The following SP3 variants were observed in gnomAD, a reference collection of about 807,000 sequenced individuals.
SP3 encodes the protein transcription factor Sp3.
In SP3, 10 loss-of-function variants were observed where a neutral mutation model predicts 70.3. The ratio of observed to expected loss-of-function variants is 0.14; its 90% CI spans 0.09 to 0.24. The LOEUF is 0.24. Among genes scored for constraint, SP3 ranks in the 10% least tolerant of loss-of-function variants. The pLI is 1.00. For synonymous variants in SP3, 402 were observed against 333.5 expected (o/e 1.21, Z -2.24); for missense variants, 825 against 914.6 (o/e 0.90, Z 1.26).
In SP3 at chr2:173,913,031, A is replaced by G. The variant is rs758349491; in HGVS notation, c.2029+39T>C. 50 of 1,457,214 alleles carry G rather than the reference A, an allele frequency of 3.4e-5. 2 individuals are homozygous for G. The South Asian group carries it at 6.3e-4, about 18-fold the overall frequency. The allele number at this position is 1,457,214 out of a possible 1,614,324, so 90.3% of individuals were successfully genotyped here. On this transcript the variant is annotated intron_variant, in intron 6 of 6. Transcript: ENST00000310015. ...GAAGTCAAGGCAGTTATGTAGCCCT[A>G]TAATTCATTTTTGTCTGTTAAAAGT...
intron 4 of SP3, among the ~76,000 whole-genome samples, chr2:173,952,530 T>C (rs73030141): frequency 0.033 from 5,010 of 152,226 alleles, 142 homozygotes; most frequent in Admixed American, 0.1. Context: ...TTAAACCCAA[T>C]TGCCATATAA....
chr2:173,919,479 C>CT (rs907133690), intron 4 of SP3, among the ~76,000 whole-genome samples: 30 of 151,974 alleles, frequency 2.0e-4, no homozygotes, highest in African/African-American at 3.6e-4. Context: ...CAGGAAAACA[C>CT]TTTTTTTTAC....
intron 4 of SP3, among the ~76,000 whole-genome samples, chr2:173,949,088 C>T (rs986853593): frequency 6.6e-6 from 1 of 152,100 alleles, no homozygotes; most frequent in Non-Finnish European, 1.5e-5. Context: ...AAAATCAGCA[C>T]AGATCATAGT....
At chr2:173,910,289 T>C in intron 6 of SP3, 32 bp from the exon 7 acceptor site, 6 of 1,598,212 alleles carry the variant, frequency 3.8e-6, no homozygotes, top group Non-Finnish European at 5.1e-6. Flanking sequence ...TACTTGGTTT[T>C]AAAAATTCAA....
rs1168474950 is a variant in SP3 at position 173,964,417 on chromosome 2, TGCCGCC to T, written c.138_143del (p.Ala50_Ala51del). ...AGCCGCTCCTCACCTGGGCCGCCGC[TGCCGCC>T]GCCACCGCACCGTTTCCGTGCTGTT... On this transcript the variant is annotated inframe_deletion, in exon 2 of 7. Transcript: ENST00000310015. The T allele has an allele frequency of 1.4e-6, 1 of 721,066 alleles. No homozygotes were observed. Among genetic ancestry groups the T allele is most frequent in the Non-Finnish European group, 2.5e-6 (1 of 394,508 alleles). The allele number at this position is 721,066 out of a possible 1,614,324, so 44.7% of individuals were successfully genotyped here. A position where few individuals can be genotyped will look rare whatever the true frequency, so the allele number is the denominator to read the frequency against.
In SP3 at chr2:173,910,076, A is replaced by G; in HGVS notation, c.2211T>C (p.Leu737=). The stretch of plus-strand genomic sequence containing the variant: ...AAACAGAACCTTGTTGAATATTTGC[A>G]AGGATAAGCGTTGTTCCTCCTGCAG... ...LITAGGTTLI[L]ANIQQGSVSG... Residue 737 remains leucine, a synonymous_variant, in exon 7 of 7, where the codon CTT becomes CTC. Transcript: ENST00000310015. The G allele has an allele frequency of 2.5e-6, 4 of 1,613,038 alleles. No individual in the cohort carries two copies. Among genetic ancestry groups the G allele is most frequent in the Non-Finnish European group, 3.4e-6 (4 of 1,179,510 alleles).
rs1689277804 is a variant in SP3 at position 173,905,062 on chromosome 2, C to A, written c.*4879G>T. 6.6e-6 allele frequency among the ~76,000 whole-genome samples: 1 copy of A among 152,188 alleles called. No individual in the cohort carries two copies. The highest frequency in any genetic ancestry group is 2.1e-4 in the South Asian group (1 of 4,826). ...CATTTAGGTGCTTCAGTCTTTTCTT[C>A]TTATTCCATCCTTTTCTGATAGGGC... On this transcript the variant is annotated 3_prime_UTR_variant, in exon 7 of 7. Coordinates refer to ENST00000310015, the MANE Select transcript of SP3 (RefSeq NM_003111.5).
intron 4 of SP3, among the ~76,000 whole-genome samples, chr2:173,950,420 T>C (rs1466049420): frequency 6.6e-6 from 1 of 152,114 alleles, no homozygotes; most frequent in African/African-American, 2.4e-5. Context: ...GGCCCATGCC[T>C]ATAATTCCAA....
At chr2:173,918,898 T>A in intron 4 of SP3, 113 bp from the exon 5 acceptor site, 1 of 829,190 alleles carries the variant, frequency 1.2e-6, no homozygotes. Context: ...ACTACTTCTC[T>A]TGCCTAGACT....
intron 2 of SP3, chr2:173,964,121 TG>T (rs1691187027): frequency 2.9e-6 from 1 of 347,510 alleles, no homozygotes; most frequent in African/African-American, 2.2e-5. Context: ...GGCGGCGGGC[TG>T]CGCGCCGGGC....
intron 4 of SP3, among the ~76,000 whole-genome samples, chr2:173,951,871 TG>T (rs1206265927): frequency 6.6e-6 from 1 of 152,204 alleles, no homozygotes; most frequent in Admixed American, 6.5e-5. Flanking sequence ...GCCGGTTCAC[TG>T]AACTATCATA....
chr2:173,908,161 CTT>C lies in SP3; in HGVS notation c.*1778_*1779del, dbSNP rs1689380867. The C allele has an allele frequency of 3.3e-5, 5 of 152,072 alleles. No homozygotes were observed. The highest frequency in any genetic ancestry group is 3.3e-4 in the Admixed American group (5 of 15,266). The allele number at this position is 152,072 out of a possible 1,614,324, so 9.4% of individuals were successfully genotyped here. ...TCCTGCCATGGTTACCAACGCTTGTCTTATCATTTTCAGGAGTCTTAATGTAA... is the reference window on the plus strand; with the variant it reads ...TCCTGCCATGGTTACCAACGCTTGTCATCATTTTCAGGAGTCTTAATGTAA... On this transcript the variant is annotated 3_prime_UTR_variant, in exon 7 of 7. Coordinates refer to ENST00000310015, the MANE Select transcript of SP3 (RefSeq NM_003111.5).
intron 3 of SP3, among the ~76,000 whole-genome samples, chr2:173,957,225 G>A (rs1170811568): frequency 6.6e-6 from 1 of 152,056 alleles, no homozygotes; most frequent in African/African-American, 2.4e-5. Flanking sequence ...ACATTTGAAC[G>A]TAATTTACCA....
At chr2:173,932,184 A>C (rs1690084934) in intron 4 of SP3, among the ~76,000 whole-genome samples, 1 of 151,916 alleles carries the variant, frequency 6.6e-6, no homozygotes, top group South Asian at 2.1e-4. Context: ...GGTTATTATC[A>C]ATTTGCCTAG....
At chr2:173,929,196 G>C (rs1475182222) in intron 4 of SP3, among the ~76,000 whole-genome samples, 1 of 152,082 alleles carries the variant, frequency 6.6e-6, no homozygotes, top group Non-Finnish European at 1.5e-5. Flanking sequence ...ACATTTTACT[G>C]GTTACAAAAA....
intron 4 of SP3, among the ~76,000 whole-genome samples, chr2:173,941,026 C>T (rs1416483392): frequency 6.6e-6 from 1 of 151,388 alleles, no homozygotes; most frequent in Non-Finnish European, 1.5e-5. Flanking sequence ...CATACTTTCT[C>T]TCCTCTATCA....
chr2:173,944,755 G>A (rs1314410965), intron 4 of SP3, among the ~76,000 whole-genome samples: 4 of 152,186 alleles, frequency 2.6e-5, no homozygotes, highest in Admixed American at 1.3e-4. Context: ...GGTAAATTTG[G>A]TTATTAAACT....
At chr2:173,960,312 T>C (rs538062208) in intron 3 of SP3, among the ~76,000 whole-genome samples, 2 of 152,242 alleles carry the variant, frequency 1.3e-5, no homozygotes, top group Non-Finnish European at 2.9e-5. Flanking sequence ...TTGCATAGCA[T>C]TTGGAAATGA....
rs71021605 is a variant in SP3 at position 173,941,127 on chromosome 2, T to TAA, written c.1639+13744_1639+13745dup. On this transcript the variant is annotated intron_variant, in intron 4 of 6. Coordinates refer to ENST00000310015, the MANE Select transcript of SP3 (RefSeq NM_003111.5). Reference sequence around the variant, plus strand: ...ATTTCAATGTTGCTCACAACACGAGTAAAAAAAAAAAAAAAAAAAAAGTCT... The same window carrying TAA: ...ATTTCAATGTTGCTCACAACACGAGTAAAAAAAAAAAAAAAAAAAAAAAGTCT... Among the ~76,000 whole-genome samples the TAA allele has an allele frequency of 5.1e-4, 47 of 92,986 alleles. 1 individual carries two copies. The highest frequency in any genetic ancestry group is 2.4e-3 in the South Asian group (7 of 2,936). 61.0% of individuals were successfully genotyped at this position (92,986 alleles called of 152,430 possible).
Sources: allele counts gnomAD v4.1 joint callset (sites outside exome capture counted in the v4.1 genomes callset), GRCh38; gene constraint gnomAD v4.1.1; transcripts MANE v1.5; gene names NCBI Gene and HGNC (gene_info 2026-07-23, HGNC 2026-07-21).